The following ANGPT1 variants were observed in gnomAD, a reference collection of about 807,000 sequenced individuals.
ANGPT1 encodes angiopoietin 1.
A neutral mutation model predicts 62.2 loss-of-function variants in ANGPT1; 17 were observed. The ratio of observed to expected loss-of-function variants is 0.27; its 90% CI spans 0.19 to 0.41. The LOEUF is 0.41. Ranked by LOEUF, ANGPT1 falls within the 10% of genes least tolerant of loss-of-function variation. The pLI, the probability that ANGPT1 is intolerant of heterozygous loss-of-function variation, is 1.00. For synonymous variants in ANGPT1, 199 were observed against 198.9 expected (o/e 1.00, Z 0.00); for missense variants, 478 against 594.9 (o/e 0.80, Z 2.04).
At chr8:107,373,273 T>A (rs1005087962) in intron 1 of ANGPT1, among the ~76,000 whole-genome samples, 10 of 15,952 alleles carry the variant, frequency 6.3e-4, no homozygotes, top group African/African-American at 1.1e-3. Flanking sequence ...CAAAATAGAT[T>A]TTTTTTTTTT....
chr8:107,328,721 A>G (rs1338461609), intron 3 of ANGPT1, among the ~76,000 whole-genome samples: 1 of 152,048 alleles, frequency 6.6e-6, no homozygotes, highest in Non-Finnish European at 1.5e-5. Context: ...AATGGTTAAT[A>G]CACACAAAAA....
intron 1 of ANGPT1, among the ~76,000 whole-genome samples, chr8:107,360,802 T>C (rs2130201810): frequency 1.3e-5 from 2 of 152,224 alleles, no homozygotes; most frequent in Middle Eastern, 6.8e-3. Flanking sequence ...AAAAATACAA[T>C]GAAAAGTCCC....
At chr8:107,339,548 TC>T (rs1815650098) in intron 2 of ANGPT1, among the ~76,000 whole-genome samples, 1 of 152,100 alleles carries the variant, frequency 6.6e-6, no homozygotes, top group African/African-American at 2.4e-5. Flanking sequence ...AGTAATACCT[TC>T]CTCACCCTCC....
At chr8:107,380,294 A>G (rs1816609674) in intron 1 of ANGPT1, among the ~76,000 whole-genome samples, 1 of 152,042 alleles carries the variant, frequency 6.6e-6, no homozygotes, top group Non-Finnish European at 1.5e-5. Flanking sequence ...AGGCTACATG[A>G]TATAATCAAT....
At chr8:107,292,980 C>T (rs981653429) in intron 6 of ANGPT1, among the ~76,000 whole-genome samples, 1 of 152,082 alleles carries the variant, frequency 6.6e-6, no homozygotes. Flanking sequence ...TATAGATTCT[C>T]CTGCATTACT....
At chr8:107,318,918 C>T (rs1004104727) in intron 4 of ANGPT1, among the ~76,000 whole-genome samples, 11 of 151,900 alleles carry the variant, frequency 7.2e-5, no homozygotes, top group South Asian at 2.1e-4. Flanking sequence ...ACATACCTAC[C>T]GGGTAGATAT....
At chr8:107,324,306 G>T (rs1586224337) in intron 3 of ANGPT1, among the ~76,000 whole-genome samples, 1 of 151,658 alleles carries the variant, frequency 6.6e-6, no homozygotes, top group South Asian at 2.1e-4. Context: ...GATGTAATTA[G>T]TTAAGATGAG....
intron 1 of ANGPT1, among the ~76,000 whole-genome samples, chr8:107,375,879 C>G (rs752886207): frequency 6.6e-6 from 1 of 152,176 alleles, no homozygotes; most frequent in Non-Finnish European, 1.5e-5. Flanking sequence ...TTTAAAGCAG[C>G]TTGCCCCTGT....
intron 1 of ANGPT1, among the ~76,000 whole-genome samples, chr8:107,414,715 C>A (rs1417917384): frequency 6.6e-6 from 1 of 152,116 alleles, no homozygotes; most frequent in Non-Finnish European, 1.5e-5. Flanking sequence ...ATAGCACTTC[C>A]CACTTCCAAG....
chr8:107,434,200 G>A (rs1260274018), intron 1 of ANGPT1, among the ~76,000 whole-genome samples: 1 of 152,180 alleles, frequency 6.6e-6, no homozygotes, highest in Non-Finnish European at 1.5e-5. Context: ...GGAGGGAACA[G>A]TTTTAGTAAT....
chr8:107,356,276 A>C (rs781503314), intron 1 of ANGPT1, among the ~76,000 whole-genome samples: 2 of 152,200 alleles, frequency 1.3e-5, no homozygotes, highest in Non-Finnish European at 2.9e-5. Flanking sequence ...AAATCCATGA[A>C]ACACATTGAA....
intron 1 of ANGPT1, among the ~76,000 whole-genome samples, chr8:107,481,777 C>G (rs916138876): frequency 6.6e-6 from 1 of 152,022 alleles, no homozygotes; most frequent in Non-Finnish European, 1.5e-5. Context: ...AGGGGGAAGC[C>G]CCTTATAAAA....
chr8:107,346,803 C>T (rs1182000245), intron 2 of ANGPT1, 139 bp downstream of exon 2: 20 of 746,218 alleles, frequency 2.7e-5, no homozygotes, highest in Non-Finnish European at 3.7e-5. Context: ...GTCAGGCAGT[C>T]ATTGTTGTTA....
At chr8:107,492,671 C>A (rs1166811206) in intron 1 of ANGPT1, among the ~76,000 whole-genome samples, 1 of 142,264 alleles carries the variant, frequency 7.0e-6, no homozygotes, top group Non-Finnish European at 1.5e-5. Flanking sequence ...AGGAAGTTCC[C>A]ACAAATGTGA....
chr8:107,443,193 A>G (rs1440604027), intron 1 of ANGPT1, among the ~76,000 whole-genome samples: 1 of 152,146 alleles, frequency 6.6e-6, no homozygotes, highest in Non-Finnish European at 1.5e-5. Context: ...GAGGGCAGGG[A>G]AGATATCCTA....
chr8:107,275,266 A>G (rs920069144), intron 7 of ANGPT1, among the ~76,000 whole-genome samples: 2 of 152,148 alleles, frequency 1.3e-5, no homozygotes, highest in African/African-American at 4.8e-5. Flanking sequence ...AGTCTGCCAC[A>G]AGCAGCGGTT....
At chr8:107,496,214 A>G (rs1813091664) in intron 1 of ANGPT1, among the ~76,000 whole-genome samples, 1 of 152,232 alleles carries the variant, frequency 6.6e-6, no homozygotes, top group Non-Finnish European at 1.5e-5. Context: ...GAAGCTTTTC[A>G]CAAATTGAGA....
intron 1 of ANGPT1, among the ~76,000 whole-genome samples, chr8:107,355,579 C>T (rs1816026796): frequency 6.7e-6 from 1 of 150,368 alleles, no homozygotes; most frequent in African/African-American, 2.4e-5. Flanking sequence ...CAAATGACCA[C>T]AGTATTTTCA....
At chr8:107,278,970 T>C (rs1813930701) in intron 7 of ANGPT1, among the ~76,000 whole-genome samples, 1 of 152,220 alleles carries the variant, frequency 6.6e-6, no homozygotes, top group Non-Finnish European at 1.5e-5. Flanking sequence ...CTCCCCTGAC[T>C]GAACACTGAC....
Sources: gnomAD v4.1 joint callset for allele counts (sites outside exome capture counted in the v4.1 genomes callset) on GRCh38, gnomAD v4.1.1 for gene constraint, MANE v1.5 for transcripts, NCBI Gene and HGNC (gene_info 2026-07-23, HGNC 2026-07-21) for gene names.